Variants in RALYL observed in about 807,000 individuals in gnomAD.
The protein encoded by RALYL is RNA-binding Raly-like protein.
RALYL carries 29 observed loss-of-function variants against 35.1 expected under a neutral mutation model. That is an observed-to-expected ratio of 0.83 (90% CI 0.61 to 1.13). The LOEUF (loss-of-function observed/expected upper bound fraction) is 1.13, where lower values mean the gene tolerates loss of function less well. RALYL is among the 50% of genes most tolerant of loss of function. The pLI, the probability that RALYL is intolerant of heterozygous loss-of-function variation, is 0.00. For missense variants in RALYL, 359 were observed against 360.4 expected, an observed-to-expected ratio of 1.00 and a Z score of 0.03; for synonymous variants, 120 against 127.6, an observed-to-expected ratio of 0.94 and a Z score of 0.40.
At chr8:84,731,696 G>A (rs1024798373) in intron 2 of RALYL, among the ~76,000 whole-genome samples, 7 of 152,132 alleles carry the variant, frequency 4.6e-5, no homozygotes, top group African/African-American at 1.7e-4. Context: ...CTATAGCCAG[G>A]ATGATGTTTT....
chr8:84,723,590 A>C (rs982335763), intron 2 of RALYL, among the ~76,000 whole-genome samples: 2 of 151,978 alleles, frequency 1.3e-5, no homozygotes, highest in Non-Finnish European at 2.9e-5. Flanking sequence ...ATTGCCCACC[A>C]GAAATGGTGA....
chr8:84,862,538 A>C (rs1838320625), intron 6 of RALYL, 85 bp downstream of exon 6: 1 of 1,104,486 alleles, frequency 9.1e-7, no homozygotes. Context: ...CAATAAATTA[A>C]CCAGATAGTT....
intron 2 of RALYL, among the ~76,000 whole-genome samples, chr8:84,574,850 T>C (rs886571442): frequency 6.6e-6 from 1 of 152,186 alleles, no homozygotes; most frequent in Non-Finnish European, 1.5e-5. Flanking sequence ...TGGTTATATC[T>C]CCATTCTTAT....
chr8:84,244,406 C>A (rs1828646222), intron 1 of RALYL, among the ~76,000 whole-genome samples: 1 of 152,146 alleles, frequency 6.6e-6, no homozygotes, highest in Admixed American at 6.6e-5. Context: ...TCCATTATTT[C>A]CCTTTTTACA....
chr8:84,395,386 T>G (rs7831842), intron 1 of RALYL, among the ~76,000 whole-genome samples: 4,300 of 152,000 alleles, frequency 0.028, 198 homozygotes, highest in African/African-American at 0.098. Flanking sequence ...TGTGAATTTT[T>G]GAGTGAAGTT....
intron 1 of RALYL, among the ~76,000 whole-genome samples, chr8:84,446,729 CAA>C (rs937712894): frequency 5.9e-5 from 9 of 151,888 alleles, no homozygotes; most frequent in African/African-American, 1.9e-4. Flanking sequence ...ATAAAGTTGT[CAA>C]GAGAGAGGGC....
chr8:84,248,385 C>T (rs999219812), intron 1 of RALYL, among the ~76,000 whole-genome samples: 2 of 152,046 alleles, frequency 1.3e-5, no homozygotes, highest in African/African-American at 4.8e-5. Context: ...CAAACAATGC[C>T]GTGTCTTTCC....
At chr8:84,782,438 C>T (rs948293247) in intron 3 of RALYL, among the ~76,000 whole-genome samples, 2 of 152,224 alleles carry the variant, frequency 1.3e-5, no homozygotes, top group African/African-American at 4.8e-5. Flanking sequence ...GTAAACCAAG[C>T]ATGGGATAGA....
At chr8:84,842,828 A>G (rs1833734983) in intron 4 of RALYL, among the ~76,000 whole-genome samples, 2 of 152,190 alleles carry the variant, frequency 1.3e-5, no homozygotes, top group Admixed American at 1.3e-4. Context: ...GCAAATCAAT[A>G]AACGTTATCC....
At chr8:84,729,334 G>T (rs1443841592) in intron 2 of RALYL, among the ~76,000 whole-genome samples, 2 of 152,028 alleles carry the variant, frequency 1.3e-5, no homozygotes, top group Non-Finnish European at 2.9e-5. Context: ...TGTATCCTGA[G>T]ACTTTGCTGA....
rs190571252 is a variant in RALYL, at chr8:84,469,880, C to T, written c.-23-59419C>T. On this transcript the variant is annotated intron_variant, in intron 1 of 8. Coordinates refer to ENST00000521268, the MANE Select transcript of RALYL (RefSeq NM_173848.7). Reference sequence around the variant, plus strand: ...AAGCCCGTCGGAAAAGCGCAGTATTCGGGTGGGAGTGACCCGATTTTCCAG... The same window carrying T: ...AAGCCCGTCGGAAAAGCGCAGTATTTGGGTGGGAGTGACCCGATTTTCCAG... Among the ~76,000 whole-genome samples, 24 of 152,276 alleles carry T rather than the reference C, an allele frequency of 1.6e-4. No individual in the cohort carries two copies. The South Asian group carries it at 1.9e-3, about 12-fold the overall frequency.
intron 2 of RALYL, among the ~76,000 whole-genome samples, chr8:84,768,567 C>T (rs184850793): frequency 7.2e-5 from 11 of 152,208 alleles, no homozygotes; most frequent in Non-Finnish European, 1.3e-4. Flanking sequence ...GGGCTGCATC[C>T]CAAAAAGCCC....
intron 1 of RALYL, among the ~76,000 whole-genome samples, chr8:84,395,181 T>A (rs1433871299): frequency 2.0e-5 from 3 of 151,882 alleles, no homozygotes; most frequent in Non-Finnish European, 4.4e-5. Flanking sequence ...AATGATTTTT[T>A]AAAAGTCCTT....
chr8:84,469,547 G>A (rs2052355922), intron 1 of RALYL, among the ~76,000 whole-genome samples: 1 of 152,188 alleles, frequency 6.6e-6, no homozygotes, highest in Admixed American at 6.5e-5. Flanking sequence ...TCTCTTCAAA[G>A]CTGTCAGACA....
intron 6 of RALYL, chr8:84,864,796 G>A: frequency 1.6e-6 from 1 of 617,514 alleles, no homozygotes; most frequent in South Asian, 1.5e-5. Flanking sequence ...AGCCAGCCCT[G>A]CAGCAGAGCT....
chr8:84,339,062 C>T (rs931089141), intron 1 of RALYL, among the ~76,000 whole-genome samples: 4 of 152,012 alleles, frequency 2.6e-5, no homozygotes, highest in East Asian at 1.9e-4. Context: ...CATGATCTGA[C>T]GATGGGGTTA....
At chr8:84,856,783 C>CTT (rs370721975) in intron 5 of RALYL, among the ~76,000 whole-genome samples, 3,634 of 151,566 alleles carry the variant, frequency 0.024, 144 homozygotes, top group African/African-American at 0.083. Flanking sequence ...AATCCCAGCA[C>CTT]TTTGGGAGGC....
intron 2 of RALYL, among the ~76,000 whole-genome samples, chr8:84,750,020 A>C (rs559910428): frequency 6.6e-4 from 101 of 152,292 alleles, no homozygotes; most frequent in Non-Finnish European, 1.2e-3. Flanking sequence ...AGCCTGGAAC[A>C]GAACCTAGCT....
chr8:84,459,629 G>A (rs1452292355), intron 1 of RALYL, among the ~76,000 whole-genome samples: 2 of 151,786 alleles, frequency 1.3e-5, no homozygotes, highest in Non-Finnish European at 2.9e-5. Flanking sequence ...TGTGGGAAAT[G>A]GGAGCCAAGG....
Sources: gnomAD v4.1 joint callset for allele counts (sites outside exome capture counted in the v4.1 genomes callset) on GRCh38, gnomAD v4.1.1 for gene constraint, MANE v1.5 for transcripts, NCBI Gene and HGNC (gene_info 2026-07-23, HGNC 2026-07-21) for gene names.